Variants in SEMA3D observed in about 807,000 individuals in gnomAD.
SEMA3D encodes the protein semaphorin 3D.
In SEMA3D, 84 loss-of-function variants were observed where a neutral mutation model predicts 100.1. The ratio of observed to expected loss-of-function variants is 0.84; its 90% CI spans 0.70 to 1.01. The LOEUF is 1.01. SEMA3D is among the 50% of genes least tolerant of loss of function. SEMA3D has a pLI of 0.00. For missense variants in SEMA3D, 875 were observed against 934.1 expected, an observed-to-expected ratio of 0.94 and a Z score of 0.82; for synonymous variants, 312 against 320.7, an observed-to-expected ratio of 0.97 and a Z score of 0.29.
the SEMA3D span, among the ~76,000 whole-genome samples, chr7:85,249,607 A>G: frequency 6.6e-6 from 1 of 152,234 alleles, no homozygotes; most frequent in Non-Finnish European, 1.5e-5. Flanking sequence ...GATCAATTAA[A>G]AAACAATTGA....
chr7:84,997,007 TTTA>T lies in SEMA3D; in HGVS notation c.*2430_*2432del. ...TAAATATGTGTACTCTATGTTGTTT[TTTA>T]TTGTGTGAAATTTTATTTTACTAAT... On this transcript the variant is annotated 3_prime_UTR_variant, in exon 19 of 19. Transcript: ENST00000284136. The T allele has an allele frequency of 2.0e-5, 3 of 151,898 alleles. No individual in the cohort carries two copies. Among genetic ancestry groups the T allele is most frequent in the Non-Finnish European group, 4.4e-5 (3 of 67,822 alleles). 9.4% of individuals were successfully genotyped at this position (151,898 alleles called of 1,614,324 possible).
chr7:85,154,272 A>G (rs1370065821), intron 1 of SEMA3D, among the ~76,000 whole-genome samples: 1 of 152,116 alleles, frequency 6.6e-6, no homozygotes, highest in Non-Finnish European at 1.5e-5. Flanking sequence ...AGGGCTGGCT[A>G]GGACATACAT....
At chr7:85,239,991 T>C in the SEMA3D span, among the ~76,000 whole-genome samples, 1 of 152,196 alleles carries the variant, frequency 6.6e-6, no homozygotes, top group African/African-American at 2.4e-5. Context: ...TCCTGTTAGG[T>C]CTAACATTCA....
intron 12 of SEMA3D, chr7:85,029,392 G>A: frequency 9.9e-7 from 1 of 1,012,792 alleles, no homozygotes; most frequent in East Asian, 2.4e-5. Context: ...TGATCCCTAT[G>A]TGTTCAACAT....
In SEMA3D at chr7:85,151,598, CGTGTGTGTGTGTGT is replaced by C. The variant is rs57024733; in HGVS notation, c.-41+1996_-41+2009del. On this transcript the variant is annotated intron_variant, in intron 2 of 18. Transcript: ENST00000284136. ...TGATGTGTGTATGCATGTGTGTATG[CGTGTGTGTGTGTGT>C]GTGTGTGTGTGTGTGTGTGATCAAG... 1.1e-5 allele frequency: 9 copies of C among 850,758 alleles called. No homozygotes were observed. In the East Asian group the frequency reaches 7.5e-4, roughly 71 times the overall value. The allele number at this position is 850,758 out of a possible 1,614,324, so 52.7% of individuals were successfully genotyped here. A position where few individuals can be genotyped will look rare whatever the true frequency, so the allele number is the denominator to read the frequency against.
chr7:84,996,451 C>T lies in SEMA3D; in HGVS notation c.*2989G>A, dbSNP rs1294177461. ...CTACTGTTGTGGCTTTTGCAAATTA[C>T]TAAATTTCTCTGTGACTACTTTTCC... On this transcript the variant is annotated 3_prime_UTR_variant, in exon 19 of 19. Transcript: ENST00000284136. 3.3e-5 allele frequency: 5 copies of T among 151,968 alleles called. No individual in the cohort carries two copies. The highest frequency in any genetic ancestry group is 7.4e-5 in the Non-Finnish European group (5 of 67,872). The allele number at this position is 151,968 out of a possible 1,614,324, so 9.4% of individuals were successfully genotyped here.
At chr7:85,077,247 C>T (rs921989740) in intron 5 of SEMA3D, among the ~76,000 whole-genome samples, 8 of 151,408 alleles carry the variant, frequency 5.3e-5, no homozygotes, top group South Asian at 2.1e-4. Flanking sequence ...TAATCAGTTA[C>T]GGTAAAAGTG....
chr7:85,177,624 T>C (rs1036037876), intron 1 of SEMA3D, among the ~76,000 whole-genome samples: 1 of 152,158 alleles, frequency 6.6e-6, no homozygotes, highest in African/African-American at 2.4e-5. Context: ...AGATGACTAA[T>C]AAATAGCATT....
At chr7:85,053,382 T>C (rs1791220851) in intron 9 of SEMA3D, among the ~76,000 whole-genome samples, 1 of 151,970 alleles carries the variant, frequency 6.6e-6, no homozygotes, top group Non-Finnish European at 1.5e-5. Context: ...AGTATTATAA[T>C]GACGCTGGGG....
At chr7:85,225,050 TTATATATATATATATATATATATATATA>T in the SEMA3D span, among the ~76,000 whole-genome samples, 102 of 77,430 alleles carry the variant, frequency 1.3e-3, 4 homozygotes, top group East Asian at 2.6e-3. Context: ...TGATTTTCTT[TTATATATATATATATATATATATATATA>T]TATATATATA....
chr7:85,147,283 G>C (rs1226838751), intron 2 of SEMA3D, among the ~76,000 whole-genome samples: 2 of 151,426 alleles, frequency 1.3e-5, no homozygotes, highest in African/African-American at 4.9e-5. Context: ...TGTATTTTTA[G>C]TAGAGACAGG....
chr7:85,066,917 G>C (rs569926111), intron 7 of SEMA3D, among the ~76,000 whole-genome samples: 5,782 of 112,616 alleles, frequency 0.051, 413 homozygotes, highest in African/African-American at 0.25. Context: ...CACACACAGA[G>C]AGAGAGAGAG....
intron 5 of SEMA3D, among the ~76,000 whole-genome samples, chr7:85,077,981 A>T (rs1787933366): frequency 6.6e-6 from 1 of 152,192 alleles, no homozygotes; most frequent in Admixed American, 6.5e-5. Context: ...AAAGAAATGC[A>T]GTGTAACTAT....
chr7:85,227,601 CACAA>C, the SEMA3D span, among the ~76,000 whole-genome samples: 10 of 151,972 alleles, frequency 6.6e-5, no homozygotes, highest in African/African-American at 2.4e-4. Context: ...GTTATAGCAG[CACAA>C]ACAGACTGAA....
intron 1 of SEMA3D, among the ~76,000 whole-genome samples, chr7:85,171,626 C>T (rs1256815301): frequency 6.6e-6 from 1 of 151,752 alleles, no homozygotes; most frequent in Non-Finnish European, 1.5e-5. Context: ...TTGAATAACA[C>T]CTAAAGGTAA....
the SEMA3D span, among the ~76,000 whole-genome samples, chr7:85,210,701 A>T: frequency 1.3e-5 from 2 of 152,054 alleles, no homozygotes; most frequent in South Asian, 4.1e-4. Flanking sequence ...AGAAATGGAA[A>T]CTGGTTTATC....
chr7:85,075,269 A>C (rs139950154), intron 5 of SEMA3D, among the ~76,000 whole-genome samples: 3 of 152,276 alleles, frequency 2.0e-5, no homozygotes, highest in Admixed American at 2.0e-4. Context: ...ATTCTGAAAT[A>C]AATATTTGGA....
At chr7:85,013,831 A>C (rs1790024597) in intron 16 of SEMA3D, among the ~76,000 whole-genome samples, 1 of 151,786 alleles carries the variant, frequency 6.6e-6, no homozygotes, top group African/African-American at 2.4e-5. Flanking sequence ...ACATAGGTCA[A>C]GAATGTTTTT....
At chr7:85,039,374 C>T (rs1370679467) in intron 11 of SEMA3D, among the ~76,000 whole-genome samples, 2 of 152,120 alleles carry the variant, frequency 1.3e-5, no homozygotes, top group Non-Finnish European at 2.9e-5. Context: ...TCTCCTGCCT[C>T]GGCCTCCTGA....
Sources: gnomAD v4.1 joint callset for allele counts (sites outside exome capture counted in the v4.1 genomes callset) on GRCh38, gnomAD v4.1.1 for gene constraint, MANE v1.5 for transcripts, NCBI Gene and HGNC (gene_info 2026-07-23, HGNC 2026-07-21) for gene names.